Variants in ADD3 observed in about 807,000 individuals in gnomAD.
ADD3 encodes adducin 3.
In ADD3, 25 loss-of-function variants were observed where a neutral mutation model predicts 80.2. The ratio of observed to expected loss-of-function variants is 0.31; its 90% confidence interval spans 0.23 to 0.44. The LOEUF (loss-of-function observed/expected upper bound fraction) is 0.44, where lower values mean the gene tolerates loss of function less well. ADD3 is among the 20% of genes least tolerant of loss of function. The pLI is 1.00. For missense variants in ADD3, 829 were observed against 847.5 expected, an observed-to-expected ratio of 0.98 and a Z score of 0.27; for synonymous variants, 284 against 289.6, an observed-to-expected ratio of 0.98 and a Z score of 0.20.
At chr10:110,079,449 AGAGAGAGAGAGAGTGTGTGT>A (rs771470211) in intron 1 of ADD3, among the ~76,000 whole-genome samples, 19 of 132,484 alleles carry the variant, frequency 1.4e-4, no homozygotes, top group African/African-American at 5.6e-4. Context: ...AGAGAGAGAG[AGAGAGAGAGAGAGTGTGTGT>A]GTGTGTGTGT....
At chr10:110,094,416 C>A (rs1267372427) in intron 1 of ADD3, among the ~76,000 whole-genome samples, 1 of 152,108 alleles carries the variant, frequency 6.6e-6, no homozygotes, top group South Asian at 2.1e-4. Context: ...TGAATCTAGT[C>A]TGAAATATTT....
intron 13 of ADD3, among the ~76,000 whole-genome samples, chr10:110,131,209 C>T (rs1590266404): frequency 6.6e-6 from 1 of 152,150 alleles, no homozygotes; most frequent in East Asian, 1.9e-4. Flanking sequence ...CTTTGGAACC[C>T]TTAGTAAGTA....
rs1234860540 is a variant in ADD3, at chr10:110,122,114, A to G, written c.965A>G (p.Gln322Arg). The G allele has an allele frequency of 1.2e-6, 2 of 1,611,692 alleles. No individual in the cohort carries two copies. Among genetic ancestry groups the G allele is most frequent in the Non-Finnish European group, 1.7e-6 (2 of 1,178,570 alleles). ...ATATTTTACCATTGATTACAGGTGC[A>G]GGCCCTAGCAGGTGCAGGTGGAGTA... ...NVQLACEIQVQALAGAGGVDN... is the reference protein window; with the variant it reads ...NVQLACEIQVRALAGAGGVDN... Residue 322 changes from glutamine to arginine, a missense_variant, in exon 9 of 15, where the codon CAG (glutamine) becomes CGG (arginine). Physicochemically the swap from Gln to Arg is conservative, Grantham distance 43. Coordinates refer to ENST00000356080, the MANE Select transcript of ADD3 (RefSeq NM_016824.5).
chr10:110,126,235 A>C (rs991587532), intron 11 of ADD3, among the ~76,000 whole-genome samples, 182 bp from the exon 12 acceptor site: 1 of 152,230 alleles, frequency 6.6e-6, no homozygotes, highest in Non-Finnish European at 1.5e-5. Flanking sequence ...ATAACTTGCC[A>C]TAAAGAGCAG....
chr10:110,014,821 C>G (rs1051350339), intron 1 of ADD3, among the ~76,000 whole-genome samples: 6 of 152,038 alleles, frequency 3.9e-5, no homozygotes, highest in African/African-American at 1.2e-4. Context: ...GCCACCGCGT[C>G]CAGCCTTCTT....
At position 110,134,360 on chromosome 10, in the gene ADD3, A is replaced by G. The variant is rs1327286251; in HGVS notation, c.*742A>G. On this transcript the variant is annotated 3_prime_UTR_variant, in exon 15 of 15. Coordinates refer to ENST00000356080, the MANE Select transcript of ADD3 (RefSeq NM_016824.5). ...AAAAAAAAAAAAATTTTGTATGTTG[A>G]TGTTTGTATACCGTTCAGTATAAAA... is the stretch of plus-strand genomic sequence containing the variant. 5.9e-5 allele frequency: 9 copies of G among 151,894 alleles called. No homozygotes were observed. The highest frequency in any genetic ancestry group is 1.5e-5 in the Non-Finnish European group (1 of 67,888). The allele number at this position is 151,894 out of a possible 1,614,324, so 9.4% of individuals were successfully genotyped here. A position where few individuals can be genotyped will look rare whatever the true frequency, so the allele number is the denominator to read the frequency against.
chr10:110,103,287 C>G (rs955463276), intron 2 of ADD3, among the ~76,000 whole-genome samples: 8 of 152,222 alleles, frequency 5.3e-5, no homozygotes, highest in Non-Finnish European at 1.0e-4. Context: ...AACAAGCATT[C>G]ATTATCTCAC....
At chr10:110,060,722 T>C (rs562372875) in intron 1 of ADD3, among the ~76,000 whole-genome samples, 7 of 152,358 alleles carry the variant, frequency 4.6e-5, no homozygotes, top group African/African-American at 1.7e-4. Context: ...TCAACACAAA[T>C]TCATTTTTTG....
intron 1 of ADD3, among the ~76,000 whole-genome samples, chr10:110,011,997 T>G (rs1852392099): frequency 6.6e-6 from 1 of 152,228 alleles, no homozygotes; most frequent in Non-Finnish European, 1.5e-5. Flanking sequence ...AAGTCTTTCA[T>G]TGGCTGTTGC....
intron 1 of ADD3, among the ~76,000 whole-genome samples, chr10:110,041,053 T>C (rs1414781096): frequency 6.6e-6 from 1 of 152,186 alleles, no homozygotes; most frequent in Admixed American, 6.5e-5. Context: ...GCTGTGTCTC[T>C]CACTATCTCC....
intron 12 of ADD3, among the ~76,000 whole-genome samples, chr10:110,127,356 C>T (rs1404898545): frequency 1.3e-5 from 2 of 152,188 alleles, no homozygotes; most frequent in Non-Finnish European, 2.9e-5. Context: ...CAGTGGCTCA[C>T]GCCTGTAATC....
intron 5 of ADD3, among the ~76,000 whole-genome samples, chr10:110,118,053 C>T (rs936502936): frequency 1.3e-4 from 20 of 150,516 alleles, no homozygotes; most frequent in African/African-American, 4.7e-4. Context: ...CACACACACA[C>T]ACACACACAC....
intron 1 of ADD3, among the ~76,000 whole-genome samples, chr10:110,039,910 T>A (rs553615557): frequency 6.6e-6 from 1 of 152,300 alleles, no homozygotes; most frequent in African/African-American, 2.4e-5. Context: ...ATCTGAGTGT[T>A]CTTAAGATGT....
intron 1 of ADD3, among the ~76,000 whole-genome samples, chr10:110,051,506 A>G (rs930042464): frequency 6.6e-6 from 1 of 152,210 alleles, no homozygotes; most frequent in Non-Finnish European, 1.5e-5. Context: ...GAAAATCTAT[A>G]TGCCTGTTAT....
chr10:110,124,300 C>T (rs373370125), intron 10 of ADD3, 26 bp downstream of exon 10: 2 of 1,601,338 alleles, frequency 1.2e-6, no homozygotes, highest in African/African-American at 1.3e-5. Flanking sequence ...ATGTAGTTTG[C>T]CTTTACTAAA....
At chr10:110,064,600 T>G (rs1462928168) in intron 1 of ADD3, among the ~76,000 whole-genome samples, 1 of 152,210 alleles carries the variant, frequency 6.6e-6, no homozygotes, top group African/African-American at 2.4e-5. Flanking sequence ...TTTTTATTAT[T>G]GATATCAGTG....
At chr10:110,000,237 AT>A (rs2133674027) in intron 1 of ADD3, among the ~76,000 whole-genome samples, 1 of 152,318 alleles carries the variant, frequency 6.6e-6, no homozygotes, top group South Asian at 2.1e-4. Context: ...GTTTTTTTAA[AT>A]AATCCTTCCA....
chr10:110,073,544 A>C (rs1337547551), intron 1 of ADD3, among the ~76,000 whole-genome samples: 1 of 152,218 alleles, frequency 6.6e-6, no homozygotes, highest in Non-Finnish European at 1.5e-5. Context: ...ACAGCAGTCT[A>C]AATTATTCCA....
At chr10:110,080,520 T>C (rs1845946945) in intron 1 of ADD3, among the ~76,000 whole-genome samples, 1 of 152,242 alleles carries the variant, frequency 6.6e-6, no homozygotes, top group African/African-American at 2.4e-5. Context: ...TATCATTCTA[T>C]ATTTTACATA....
Sources: allele counts gnomAD v4.1 joint callset (sites outside exome capture counted in the v4.1 genomes callset), GRCh38; gene constraint gnomAD v4.1.1; transcripts MANE v1.5; gene names NCBI Gene and HGNC (gene_info 2026-07-23, HGNC 2026-07-21).